The following SERTM1 variants were observed in gnomAD, a reference collection of about 807,000 sequenced individuals.
SERTM1 encodes the protein serine-rich and transmembrane domain-containing protein 1.
A neutral mutation model predicts 5.5 loss-of-function variants in SERTM1; 1 was observed. The ratio of observed to expected loss-of-function variants is 0.18; its 90% CI spans 0.06 to 0.86. The LOEUF is 0.86. Among genes scored for constraint, SERTM1 ranks in the 40% least tolerant of loss-of-function variants. The pLI, the probability that SERTM1 is intolerant of heterozygous loss-of-function variation, is 0.69. For missense variants in SERTM1, 91 were observed against 122.4 expected (o/e 0.74, Z 1.21); for synonymous variants, 52 against 55.1 (o/e 0.94, Z 0.25).
chr13:36,676,754 T>C (rs1036324726), intron 1 of SERTM1, among the ~76,000 whole-genome samples: 6 of 152,188 alleles, frequency 3.9e-5, no homozygotes, highest in African/African-American at 1.4e-4. Context: ...TAATACAAAG[T>C]ATTATAGACC....
rs534962192 is a variant in SERTM1, at chr13:36,674,658, T to C, written c.-174+474T>C. Reference sequence around the variant, plus strand: ...GTGTGGAGGGTCATTCTTGGGTTTGTTTTGCTCCTGTCTGATTTTCTAGGG... The same window carrying C: ...GTGTGGAGGGTCATTCTTGGGTTTGCTTTGCTCCTGTCTGATTTTCTAGGG... On this transcript the variant is annotated intron_variant, in intron 1 of 1. Transcript: ENST00000315190. Among the ~76,000 whole-genome samples, 26 of 152,196 alleles carry C rather than the reference T, an allele frequency of 1.7e-4. No individual in the cohort carries two copies. The South Asian group carries it at 4.6e-3, about 27-fold the overall frequency.
At chr13:36,691,357 A>G (rs1363443346) in intron 1 of SERTM1, among the ~76,000 whole-genome samples, 2 of 152,048 alleles carry the variant, frequency 1.3e-5, no homozygotes, top group African/African-American at 2.4e-5. Context: ...GGAACCAGAG[A>G]CCCCAGGTGT....
intron 1 of SERTM1, among the ~76,000 whole-genome samples, chr13:36,675,396 G>A (rs370870130): frequency 6.6e-6 from 1 of 152,158 alleles, no homozygotes; most frequent in Admixed American, 6.5e-5. Context: ...CTTCTCCTAG[G>A]TGCTTCCAGG....
chr13:36,689,536 TA>T, intron 1 of SERTM1, among the ~76,000 whole-genome samples: 1 of 148,148 alleles, frequency 6.8e-6, no homozygotes, highest in South Asian at 2.1e-4. Context: ...ATAATAATAA[TA>T]ATAATAATAG....
Position 36,694,969 on chromosome 13 carries a change from C to A in SERTM1, c.-110C>A. On this transcript the variant is annotated 5_prime_UTR_variant, in exon 2 of 2. Coordinates refer to ENST00000315190, the MANE Select transcript of SERTM1 (RefSeq NM_203451.3). Reference sequence around the variant, plus strand: ...AAGTTTTGTTGTGCTGATTTAACAGCCTGTGAATTCTGCAAACACGATCGT... The same window carrying A: ...AAGTTTTGTTGTGCTGATTTAACAGACTGTGAATTCTGCAAACACGATCGT... The A allele has an allele frequency of 3.9e-6, 3 of 762,690 alleles. No homozygotes were observed. Among genetic ancestry groups the A allele is most frequent in the Non-Finnish European group, 6.6e-6 (3 of 456,900 alleles). 47.2% of individuals were successfully genotyped at this position (762,690 alleles called of 1,614,324 possible).
intron 1 of SERTM1, among the ~76,000 whole-genome samples, chr13:36,689,547 G>A (rs990004584): frequency 2.6e-4 from 36 of 140,368 alleles, no homozygotes; most frequent in African/African-American, 9.5e-4. Context: ...AATAATAATA[G>A]TTTTTTTCCC....
Position 36,695,144 on chromosome 13 carries a change from G to C in SERTM1, c.66G>C (p.Leu22=). ...TGGAGAATGGAACTTTTCTTGAGCT[G>C]TTTCCCACATCCCTGTCCACGTCAG... The part of the protein sequence containing the change: ...GSVENGTFLE[L]FPTSLSTSVD... The change falls in exon 2 of 2, where the codon CTG becomes CTC. Residue 22 remains leucine, a synonymous_variant. Coordinates refer to ENST00000315190, the MANE Select transcript of SERTM1 (RefSeq NM_203451.3). 6.2e-7 allele frequency: 1 copy of C among 1,614,220 alleles called. No individual in the cohort carries two copies. Among genetic ancestry groups the C allele is most frequent in the Middle Eastern group, 1.6e-4 (1 of 6,062 alleles).
intron 1 of SERTM1, among the ~76,000 whole-genome samples, chr13:36,685,972 TTGAC>T (rs1389982822): frequency 6.6e-6 from 1 of 152,188 alleles, no homozygotes. Context: ...GTCCCAAGCT[TTGAC>T]TGGGTGTTTA....
chr13:36,686,275 G>T (rs958190089), intron 1 of SERTM1, among the ~76,000 whole-genome samples: 2 of 152,184 alleles, frequency 1.3e-5, no homozygotes, highest in Non-Finnish European at 2.9e-5. Flanking sequence ...GCTGATGGTA[G>T]CAGCAAGTAG....
At chr13:36,679,630 C>T (rs1267091755) in intron 1 of SERTM1, among the ~76,000 whole-genome samples, 2 of 152,136 alleles carry the variant, frequency 1.3e-5, no homozygotes, top group Admixed American at 6.5e-5. Context: ...TGGTCTTGAA[C>T]TCCTGACTTC....
chr13:36,686,640 A>T (rs1395276869), intron 1 of SERTM1, among the ~76,000 whole-genome samples: 1 of 152,184 alleles, frequency 6.6e-6, no homozygotes, highest in African/African-American at 2.4e-5. Context: ...TTATGGCTAG[A>T]TACTTCAATA....
At chr13:36,689,904 A>G (rs2056767178) in intron 1 of SERTM1, among the ~76,000 whole-genome samples, 1 of 152,114 alleles carries the variant, frequency 6.6e-6, no homozygotes, top group South Asian at 2.1e-4. Flanking sequence ...AAAAACCATC[A>G]CTAAGGGAGA....
intron 1 of SERTM1, among the ~76,000 whole-genome samples, chr13:36,682,830 T>A (rs1405714081): frequency 6.6e-6 from 1 of 152,228 alleles, no homozygotes; most frequent in Non-Finnish European, 1.5e-5. Context: ...TGTACATTGT[T>A]AAGAAATATT....
At position 36,692,276 on chromosome 13, in the gene SERTM1, G is replaced by A. The variant is rs115665758; in HGVS notation, c.-173-2630G>A. Among the ~76,000 whole-genome samples the A allele has an allele frequency of 2.2e-3, 329 of 152,280 alleles. 3 individuals carry two copies. Among genetic ancestry groups the A allele is most frequent in the African/African-American group, 7.6e-3 (314 of 41,560 alleles). On this transcript the variant is annotated intron_variant, in intron 1 of 1. Transcript: ENST00000315190. ...TCTCCTGTCAACAGTTGAGGCTCATGGTGGGGTTTTGGTCTGAAAGAAGGC... is the reference window on the plus strand; with the variant it reads ...TCTCCTGTCAACAGTTGAGGCTCATAGTGGGGTTTTGGTCTGAAAGAAGGC...
intron 1 of SERTM1, among the ~76,000 whole-genome samples, chr13:36,693,131 G>C (rs1448975756): frequency 6.6e-6 from 1 of 152,230 alleles, no homozygotes; most frequent in Non-Finnish European, 1.5e-5. Context: ...AATTAGACAT[G>C]TGACTTTTGT....
chr13:36,675,415 T>C (rs943074694), intron 1 of SERTM1, among the ~76,000 whole-genome samples: 7 of 152,202 alleles, frequency 4.6e-5, no homozygotes, highest in African/African-American at 1.2e-4. Context: ...GGATTCATTG[T>C]TCAGACAACA....
chr13:36,680,649 G>A (rs1384407999), intron 1 of SERTM1, among the ~76,000 whole-genome samples: 1 of 152,126 alleles, frequency 6.6e-6, no homozygotes, highest in East Asian at 1.9e-4. Context: ...CTAAAGACTT[G>A]TAGCTCTCTG....
At chr13:36,677,699 C>T (rs1210024674) in intron 1 of SERTM1, among the ~76,000 whole-genome samples, 1 of 152,176 alleles carries the variant, frequency 6.6e-6, no homozygotes, top group Non-Finnish European at 1.5e-5. Context: ...AGATTCACTT[C>T]CCAGGGGAGG....
chr13:36,693,936 T>C (rs1046762769), intron 1 of SERTM1, among the ~76,000 whole-genome samples: 18 of 152,226 alleles, frequency 1.2e-4, no homozygotes, highest in African/African-American at 3.9e-4. Context: ...GAGCTTTTCT[T>C]TGCACCTGGC....
Sources: gnomAD v4.1 joint callset for allele counts (sites outside exome capture counted in the v4.1 genomes callset) on GRCh38, gnomAD v4.1.1 for gene constraint, MANE v1.5 for transcripts, NCBI Gene and HGNC (gene_info 2026-07-23, HGNC 2026-07-21) for gene names.